The following SUN1 variants were observed in gnomAD, a reference collection of about 807,000 sequenced individuals.
SUN1 encodes SUN domain-containing protein 1.
A neutral mutation model predicts 103.2 loss-of-function variants in SUN1; 61 were observed. That is an observed-to-expected ratio of 0.59 (90% CI 0.48 to 0.73). The LOEUF is 0.73. SUN1 is among the 30% of genes least tolerant of loss of function. SUN1 has a pLI of 0.00. For synonymous variants in SUN1, 490 were observed against 425.7 expected, an observed-to-expected ratio of 1.15 and a Z score of -1.86; for missense variants, 1,052 against 1,034.6, an observed-to-expected ratio of 1.02 and a Z score of -0.23.
At chr7:845,371 GCGGGGTTT>G (rs1182241858) in intron 5 of SUN1, among the ~76,000 whole-genome samples, 3 of 152,176 alleles carry the variant, frequency 2.0e-5, no homozygotes, top group Non-Finnish European at 4.4e-5. Context: ...CATCCTTCCC[GCGGGGTTT>G]CTGGGCTTCA....
chr7:841,915 C>A, intron 2 of SUN1, 31 bp from the exon 3 acceptor site: 1 of 1,607,652 alleles, frequency 6.2e-7, no homozygotes, highest in African/African-American at 1.3e-5. Context: ...TAGAAAAGAT[C>A]TATAAACTTG....
At chr7:865,202 G>A (rs1835485416) in intron 15 of SUN1, among the ~76,000 whole-genome samples, 3 of 151,956 alleles carry the variant, frequency 2.0e-5, no homozygotes, top group Admixed American at 1.3e-4. Flanking sequence ...GCTCACTACC[G>A]GTTCAAGCGA....
exon 1 of SUN1, chr7:816,670 G>A (rs775126382): frequency 2.5e-5 from 6 of 239,832 alleles, no homozygotes; most frequent in South Asian, 2.2e-4. Flanking sequence ...GCGGCGCGAG[G>A]CAGGTGAGCT....
At chr7:841,185 A>T (rs1286201295) in intron 2 of SUN1, among the ~76,000 whole-genome samples, 2 of 148,574 alleles carry the variant, frequency 1.3e-5, no homozygotes, top group East Asian at 4.0e-4. Flanking sequence ...CGCCTGCCCC[A>T]GCCTCCCAAA....
intron 15 of SUN1, among the ~76,000 whole-genome samples, chr7:862,407 C>A (rs1832913223): frequency 6.6e-6 from 1 of 152,178 alleles, no homozygotes; most frequent in African/African-American, 2.4e-5. Context: ...TCATTTGCCA[C>A]CCTCTGAGTT....
At chr7:862,482 A>G (rs964650063) in intron 15 of SUN1, among the ~76,000 whole-genome samples, 4 of 152,374 alleles carry the variant, frequency 2.6e-5, no homozygotes, top group African/African-American at 9.6e-5. Context: ...AATGGTAGAC[A>G]GACATCAACA....
At chr7:841,765 C>G (rs1395910977) in intron 2 of SUN1, 181 bp from the exon 3 acceptor site, 2 of 621,794 alleles carry the variant, frequency 3.2e-6, no homozygotes, top group East Asian at 5.8e-5. Context: ...GTTCTTGGAT[C>G]CCAGCTCAAA....
At chr7:835,668 C>T (rs972145395) in intron 1 of SUN1, among the ~76,000 whole-genome samples, 1 of 152,168 alleles carries the variant, frequency 6.6e-6, no homozygotes, top group Non-Finnish European at 1.5e-5. Flanking sequence ...GGATGTTGCT[C>T]CCTGTCACAG....
chr7:848,503 T>C (rs770037837), intron 5 of SUN1: 2 of 1,364,352 alleles, frequency 1.5e-6, no homozygotes, highest in South Asian at 2.3e-5. Flanking sequence ...TTCAACTTTT[T>C]CAAGTGGTTT....
In SUN1 at chr7:851,853, C is replaced by T. The variant is rs531124173; in HGVS notation, c.758-97C>T. 7.0e-6 allele frequency: 9 copies of T among 1,290,124 alleles called. No individual in the cohort carries two copies. The East Asian group carries it at 1.9e-4, about 27-fold the overall frequency. 79.9% of individuals were successfully genotyped at this position (1,290,124 alleles called of 1,614,324 possible). ...ACTTCTTCACCTCCAGCTTCATCTT[C>T]ATGTGCTTCTAGCTTGGCCTTCACA... On this transcript the variant is annotated intron_variant, in intron 6 of 18. Transcript: ENST00000401592.
Position 857,948 on chromosome 7 carries a change from A to G in SUN1, c.1515A>G (p.Val505=), listed in dbSNP as rs745599655. The G allele has an allele frequency of 1.9e-6, 3 of 1,572,196 alleles. No individual in the cohort carries two copies. The South Asian group carries it at 3.4e-5, about 18-fold the overall frequency. The change falls in exon 13 of 19, where the codon GTA becomes GTG. Residue 505 remains valine, a synonymous_variant. Coordinates refer to ENST00000401592, the MANE Select transcript of SUN1 (RefSeq NM_001130965.3). ...VKTGCETVDA[V]QERVDVQVRE... Reference sequence around the variant, plus strand: ...CCGGCTGTGAGACAGTGGATGCCGTACAAGAAAGAGTGAGCTTTCTGCATG... The same window carrying G: ...CCGGCTGTGAGACAGTGGATGCCGTGCAAGAAAGAGTGAGCTTTCTGCATG...
At chr7:818,411 A>G (rs1488206573) in intron 1 of SUN1, among the ~76,000 whole-genome samples, 1 of 152,224 alleles carries the variant, frequency 6.6e-6, no homozygotes, top group African/African-American at 2.4e-5. Flanking sequence ...TTGTATAGAT[A>G]TACCACATTA....
intron 12 of SUN1, among the ~76,000 whole-genome samples, chr7:857,265 A>G (rs1036142958): frequency 6.6e-6 from 1 of 152,154 alleles, no homozygotes; most frequent in African/African-American, 2.4e-5. Flanking sequence ...TTCTGTGAGG[A>G]CAGGTGTGAG....
At chr7:851,160 T>C in intron 5 of SUN1, 1 of 364,766 alleles carries the variant, frequency 2.7e-6, no homozygotes, top group Non-Finnish European at 5.0e-6. Context: ...CAGAAGTGAG[T>C]GAAAACTATT....
chr7:819,610 T>G (rs950801269), intron 1 of SUN1, among the ~76,000 whole-genome samples: 3 of 152,200 alleles, frequency 2.0e-5, no homozygotes, highest in Non-Finnish European at 4.4e-5. Context: ...TATTGAGTGG[T>G]CTTGGCACCC....
chr7:840,309 T>C (rs1035492179), intron 2 of SUN1, among the ~76,000 whole-genome samples: 2 of 152,228 alleles, frequency 1.3e-5, no homozygotes, highest in African/African-American at 4.8e-5. Flanking sequence ...GCAGATCCCA[T>C]TGGGTAGCTC....
chr7:852,095 G>A (rs374146697), intron 7 of SUN1, 52 bp downstream of exon 7: 3 of 1,442,052 alleles, frequency 2.1e-6, no homozygotes, highest in Non-Finnish European at 2.9e-6. Flanking sequence ...CCAATTTTGT[G>A]CCAATTGCAG....
At chr7:833,631 G>C (rs1454492501) in intron 1 of SUN1, among the ~76,000 whole-genome samples, 1 of 152,198 alleles carries the variant, frequency 6.6e-6, no homozygotes, top group Non-Finnish European at 1.5e-5. Flanking sequence ...ATCCTCTAAA[G>C]GGTGAAAATG....
intron 5 of SUN1, chr7:848,369 A>G (rs775421238): frequency 7.6e-7 from 1 of 1,322,186 alleles, no homozygotes; most frequent in African/African-American, 1.5e-5. Flanking sequence ...CAGGAAGTAG[A>G]TATTGGCTTT....
Sources: allele counts gnomAD v4.1 joint callset (sites outside exome capture counted in the v4.1 genomes callset), GRCh38; gene constraint gnomAD v4.1.1; transcripts MANE v1.5; gene names NCBI Gene and HGNC (gene_info 2026-07-23, HGNC 2026-07-21).